ARSB: variants seen among roughly 807,000 people sequenced by gnomAD.
ARSB encodes the protein N-acetylgalactosamine-4-sulfatase.
In ARSB, 41 loss-of-function variants were observed where a neutral mutation model predicts 50.9. That is an observed-to-expected ratio of 0.81 (90% CI 0.63 to 1.04). The LOEUF is 1.04. Ranked by LOEUF, ARSB falls within the 50% of genes least tolerant of loss-of-function variation. The pLI is 0.00. For synonymous variants in ARSB, 269 were observed against 284.8 expected (o/e 0.94, Z 0.56); for missense variants, 672 against 693.3 (o/e 0.97, Z 0.35).
intron 3 of ARSB, among the ~76,000 whole-genome samples, chr5:78,959,330 T>C (rs1751881823): frequency 6.9e-6 from 1 of 145,294 alleles, no homozygotes; most frequent in South Asian, 2.2e-4. Flanking sequence ...AATTACCCAG[T>C]CTCAGGCAGC....
In ARSB at chr5:78,777,850, T is replaced by C. The variant is rs1220203372; in HGVS notation, c.*2547A>G. The C allele has an allele frequency of 2.4e-4, 9 of 36,980 alleles. No homozygotes were observed. The highest frequency in any genetic ancestry group is 1.3e-3 in the African/African-American group (8 of 6,346). 2.3% of individuals were successfully genotyped at this position (36,980 alleles called of 1,614,324 possible). A position where few individuals can be genotyped will look rare whatever the true frequency, so the allele number is the denominator to read the frequency against. Reference sequence around the variant, plus strand: ...CTGGGTGACAGAGCGAGACTCCATCTCAAAAAAAAAAAAAAAAAAAATTGG... The same window carrying C: ...CTGGGTGACAGAGCGAGACTCCATCCCAAAAAAAAAAAAAAAAAAAATTGG... On this transcript the variant is annotated 3_prime_UTR_variant, in exon 8 of 8. Transcript: ENST00000264914.
At chr5:78,907,488 C>T (rs1198227747) in intron 4 of ARSB, among the ~76,000 whole-genome samples, 2 of 152,134 alleles carry the variant, frequency 1.3e-5, no homozygotes, top group Non-Finnish European at 2.9e-5. Context: ...CAGTAACTGT[C>T]GGAACTCAGC....
At chr5:78,852,894 G>C (rs1745905209) in intron 5 of ARSB, among the ~76,000 whole-genome samples, 1 of 152,140 alleles carries the variant, frequency 6.6e-6, no homozygotes, top group Admixed American at 6.5e-5. Flanking sequence ...TCGAGCCTTG[G>C]CTTTCAGCTC....
intron 6 of ARSB, among the ~76,000 whole-genome samples, chr5:78,812,149 A>T (rs1029316920): frequency 1.8e-4 from 27 of 152,302 alleles, no homozygotes; most frequent in African/African-American, 6.5e-4. Context: ...TCAACTTGGA[A>T]ATGGGAAAGT....
intron 4 of ARSB, among the ~76,000 whole-genome samples, chr5:78,935,375 T>C (rs1463672726): frequency 6.6e-6 from 1 of 152,182 alleles, no homozygotes; most frequent in Non-Finnish European, 1.5e-5. Context: ...AGAAGGAGGA[T>C]TCTTGACATT....
chr5:78,816,377 C>T (rs1254048365), intron 6 of ARSB, among the ~76,000 whole-genome samples: 7 of 152,158 alleles, frequency 4.6e-5, no homozygotes, highest in Admixed American at 2.0e-4. Flanking sequence ...CTCTGTTTGG[C>T]TCCCGGAGAA....
At chr5:78,832,008 A>G (rs1744716631) in intron 6 of ARSB, among the ~76,000 whole-genome samples, 1 of 152,142 alleles carries the variant, frequency 6.6e-6, no homozygotes, top group South Asian at 2.1e-4. Flanking sequence ...TTCAATATGT[A>G]TTAATCTCTT....
At chr5:78,936,646 C>T (rs1426801680) in intron 4 of ARSB, among the ~76,000 whole-genome samples, 1 of 152,166 alleles carries the variant, frequency 6.6e-6, no homozygotes, top group East Asian at 1.9e-4. Context: ...CTCACTGGTG[C>T]CTGCTAATTC....
At chr5:78,956,841 C>T (rs886198456) in intron 3 of ARSB, among the ~76,000 whole-genome samples, 1 of 152,136 alleles carries the variant, frequency 6.6e-6, no homozygotes, top group African/African-American at 2.4e-5. Context: ...CCCACTATTA[C>T]GATATGGATG....
chr5:78,861,532 T>C (rs1169055659), intron 5 of ARSB, among the ~76,000 whole-genome samples: 1 of 152,222 alleles, frequency 6.6e-6, no homozygotes, highest in Non-Finnish European at 1.5e-5. Flanking sequence ...TCTCAATAGA[T>C]GCACAAAAGG....
Position 78,777,330 on chromosome 5 carries a change from TTTTA to T in ARSB, c.*3063_*3066del, listed in dbSNP as rs1748798503. On this transcript the variant is annotated 3_prime_UTR_variant, in exon 8 of 8. Coordinates refer to ENST00000264914, the MANE Select transcript of ARSB (RefSeq NM_000046.5). ...TTGTAATAAAACATAAAACTTAACA[TTTTA>T]ACCACTTTAAAACATACAATTCAGT... 1 of 152,580 alleles carries T rather than the reference TTTTA, an allele frequency of 6.6e-6. No homozygotes were observed. Among genetic ancestry groups the T allele is most frequent in the Non-Finnish European group, 1.5e-5 (1 of 68,036 alleles). 9.5% of individuals were successfully genotyped at this position (152,580 alleles called of 1,614,324 possible).
At chr5:78,792,058 T>C (rs1156250825) in intron 6 of ARSB, among the ~76,000 whole-genome samples, 1 of 151,754 alleles carries the variant, frequency 6.6e-6, no homozygotes, top group Non-Finnish European at 1.5e-5. Flanking sequence ...GCAAGAAAAC[T>C]CATAATGTTT....
At chr5:78,845,273 A>G (rs929589855) in intron 5 of ARSB, among the ~76,000 whole-genome samples, 1 of 152,096 alleles carries the variant, frequency 6.6e-6, no homozygotes, top group African/African-American at 2.4e-5. Context: ...TTCTTCATTC[A>G]CCCACTGATG....
At chr5:78,903,466 T>C (rs1406426405) in intron 4 of ARSB, among the ~76,000 whole-genome samples, 1 of 152,230 alleles carries the variant, frequency 6.6e-6, no homozygotes, top group African/African-American at 2.4e-5. Context: ...ACATGTCAGA[T>C]TCTTTGTTCT....
intron 1 of ARSB, 47 bp from the exon 2 acceptor site, chr5:78,969,239 T>A (rs781671362): frequency 1.9e-6 from 3 of 1,603,376 alleles, no homozygotes; most frequent in Admixed American, 1.7e-5. Context: ...ATTGAAATAT[T>A]GTGAACAAGC....
intron 5 of ARSB, among the ~76,000 whole-genome samples, chr5:78,868,917 C>G (rs1187242131): frequency 6.6e-6 from 1 of 151,686 alleles, no homozygotes; most frequent in Admixed American, 6.6e-5. Flanking sequence ...TCAGGAAACC[C>G]ATCTCACGTG....
intron 4 of ARSB, among the ~76,000 whole-genome samples, chr5:78,896,824 C>A (rs1452780947): frequency 6.6e-6 from 1 of 151,994 alleles, no homozygotes; most frequent in Admixed American, 6.5e-5. Flanking sequence ...TGTGATGCTC[C>A]TTTGTCCTGA....
intron 4 of ARSB, among the ~76,000 whole-genome samples, chr5:78,940,637 G>A (rs1230615891): frequency 3.9e-5 from 6 of 152,138 alleles, no homozygotes; most frequent in East Asian, 1.9e-4. Context: ...CTGTTCCATT[G>A]GTCTATATCT....
At chr5:78,860,919 A>T (rs1746403846) in intron 5 of ARSB, among the ~76,000 whole-genome samples, 1 of 152,260 alleles carries the variant, frequency 6.6e-6, no homozygotes, top group Admixed American at 6.5e-5. Context: ...ATAAAAAATG[A>T]TAAAGGGTAT....
Sources: gnomAD v4.1 joint callset for allele counts (sites outside exome capture counted in the v4.1 genomes callset) on GRCh38, gnomAD v4.1.1 for gene constraint, MANE v1.5 for transcripts, NCBI Gene and HGNC (gene_info 2026-07-23, HGNC 2026-07-21) for gene names.